Variants in CDKAL1 observed in about 807,000 individuals in gnomAD.
CDKAL1 encodes the protein threonylcarbamoyladenosine tRNA methylthiotransferase.
A neutral mutation model predicts 68.2 loss-of-function variants in CDKAL1; 32 were observed. The observed-to-expected ratio is 0.47, with a 90% CI of 0.35 to 0.63. The LOEUF (loss-of-function observed/expected upper bound fraction) is 0.63. CDKAL1 is among the 30% of genes least tolerant of loss of function. The pLI is 0.00. For missense variants in CDKAL1, 606 were observed against 696.7 expected (o/e 0.87, Z 1.47); for synonymous variants, 234 against 244.3 (o/e 0.96, Z 0.39).
intron 9 of CDKAL1, among the ~76,000 whole-genome samples, chr6:20,870,970 T>G (rs1290421761): frequency 6.6e-6 from 1 of 152,158 alleles, no homozygotes; most frequent in East Asian, 1.9e-4. Context: ...AAGAAATCAT[T>G]ACCCAGGAAA....
At chr6:20,982,684 A>G (rs925138526) in intron 10 of CDKAL1, among the ~76,000 whole-genome samples, 2 of 152,008 alleles carry the variant, frequency 1.3e-5, no homozygotes, top group African/African-American at 4.8e-5. Flanking sequence ...GTATCAAATG[A>G]CTTCTTCTGT....
rs190128326 is a variant in CDKAL1 at position 20,536,816 on chromosome 6, A to G, written c.-6+1422A>G. Among the ~76,000 whole-genome samples, 559 of 152,310 alleles carry G rather than the reference A, an allele frequency of 3.7e-3. 3 individuals carry two copies. Among genetic ancestry groups the G allele is most frequent in the Non-Finnish European group, 5.9e-3 (399 of 68,032 alleles). Reference sequence around the variant, plus strand: ...AGCGAGACCTTGTTTTTACAAAAAAACTGAAAAAGAAAAAATGTTCATTTC... The same window carrying G: ...AGCGAGACCTTGTTTTTACAAAAAAGCTGAAAAAGAAAAAATGTTCATTTC... On this transcript the variant is annotated intron_variant, in intron 2 of 15. Transcript: ENST00000274695.
At chr6:21,113,473 C>A (rs1382523556) in intron 13 of CDKAL1, among the ~76,000 whole-genome samples, 1 of 151,848 alleles carries the variant, frequency 6.6e-6, no homozygotes, top group African/African-American at 2.4e-5. Flanking sequence ...TAGCAAGAAC[C>A]CATCTCTACA....
intron 9 of CDKAL1, among the ~76,000 whole-genome samples, chr6:20,918,560 A>G (rs975312117): frequency 1.3e-5 from 2 of 152,246 alleles, no homozygotes; most frequent in Non-Finnish European, 2.9e-5. Context: ...CACAAAAAGC[A>G]TGAAGAAGAA....
At chr6:20,557,103 C>G (rs1220581896) in intron 4 of CDKAL1, among the ~76,000 whole-genome samples, 1 of 147,348 alleles carries the variant, frequency 6.8e-6, no homozygotes, top group Non-Finnish European at 1.5e-5. Context: ...TAAATAAATA[C>G]ATAAATAAAT....
intron 13 of CDKAL1, among the ~76,000 whole-genome samples, chr6:21,129,295 A>G (rs1184990322): frequency 6.6e-6 from 1 of 152,182 alleles, no homozygotes; most frequent in Non-Finnish European, 1.5e-5. Context: ...AAATATGACC[A>G]GGGTCCTTCA....
At chr6:20,797,582 C>T (rs1776159808) in intron 8 of CDKAL1, among the ~76,000 whole-genome samples, 1 of 150,860 alleles carries the variant, frequency 6.6e-6, no homozygotes, top group Non-Finnish European at 1.5e-5. Flanking sequence ...CTGAAAACAA[C>T]TCCTGTATCC....
intron 8 of CDKAL1, among the ~76,000 whole-genome samples, chr6:20,783,085 A>G (rs1775502641): frequency 6.6e-6 from 1 of 152,068 alleles, no homozygotes; most frequent in Admixed American, 6.5e-5. Flanking sequence ...GCACGCCACC[A>G]TGCCCGGTTA....
intron 15 of CDKAL1, among the ~76,000 whole-genome samples, chr6:21,202,700 G>A (rs1294534056): frequency 1.3e-5 from 2 of 152,160 alleles, no homozygotes; most frequent in Non-Finnish European, 1.5e-5. Context: ...TGGAAAGGGA[G>A]TATTGTAAAC....
intron 12 of CDKAL1, among the ~76,000 whole-genome samples, chr6:21,072,650 A>G (rs1771850368): frequency 1.4e-5 from 2 of 143,310 alleles, no homozygotes; most frequent in African/African-American, 5.1e-5. Context: ...TTTAGACTTC[A>G]GTCACCCAGG....
intron 15 of CDKAL1, among the ~76,000 whole-genome samples, chr6:21,226,197 T>C (rs775099350): frequency 2.5e-4 from 38 of 152,076 alleles, no homozygotes; most frequent in Non-Finnish European, 4.7e-4. Flanking sequence ...ACGAAGGAAA[T>C]AGAGATAGAC....
chr6:20,961,557 G>A (rs1393214845), intron 10 of CDKAL1, among the ~76,000 whole-genome samples: 1 of 152,122 alleles, frequency 6.6e-6, no homozygotes, highest in Non-Finnish European at 1.5e-5. Context: ...CACGAGGTCA[G>A]GAGATCGAGA....
At chr6:21,191,832 C>A (rs1778250898) in intron 13 of CDKAL1, among the ~76,000 whole-genome samples, 1 of 151,400 alleles carries the variant, frequency 6.6e-6, no homozygotes, top group Non-Finnish European at 1.5e-5. Context: ...GTAGCACACT[C>A]ATTCTTTCAC....
intron 13 of CDKAL1, among the ~76,000 whole-genome samples, chr6:21,151,806 T>C (rs1165191361): frequency 6.6e-6 from 1 of 152,188 alleles, no homozygotes; most frequent in East Asian, 1.9e-4. Flanking sequence ...CCTAGTACAG[T>C]TTTTGATAAA....
chr6:20,783,774 A>T (rs116064635), intron 8 of CDKAL1, among the ~76,000 whole-genome samples: 1 of 152,280 alleles, frequency 6.6e-6, no homozygotes, highest in African/African-American at 2.4e-5. Context: ...TGGGGGCTGA[A>T]TGTGTTTCAG....
chr6:21,132,505 T>A (rs1329458727), intron 13 of CDKAL1, among the ~76,000 whole-genome samples: 599 of 151,580 alleles, frequency 4.0e-3, no homozygotes, highest in African/African-American at 0.014. Flanking sequence ...TTATTTATGT[T>A]AATATGTAGT....
intron 14 of CDKAL1, among the ~76,000 whole-genome samples, chr6:21,199,242 C>T (rs1390356757): frequency 6.6e-6 from 1 of 152,146 alleles, no homozygotes; most frequent in Non-Finnish European, 1.5e-5. Flanking sequence ...AAGAGGCCCC[C>T]AGCATTGACA....
intron 9 of CDKAL1, among the ~76,000 whole-genome samples, chr6:20,877,651 G>T (rs1489155426): frequency 6.6e-6 from 1 of 152,162 alleles, no homozygotes; most frequent in African/African-American, 2.4e-5. Context: ...AATTAGTTCT[G>T]TGTTCATTTC....
chr6:21,008,230 T>A (rs1561957020), intron 11 of CDKAL1, among the ~76,000 whole-genome samples: 1 of 151,846 alleles, frequency 6.6e-6, no homozygotes, highest in Non-Finnish European at 1.5e-5. Flanking sequence ...AAGATGAGGG[T>A]CTAGAGATAA....
Sources: gnomAD v4.1 joint callset for allele counts (sites outside exome capture counted in the v4.1 genomes callset) on GRCh38, gnomAD v4.1.1 for gene constraint, MANE v1.5 for transcripts, NCBI Gene and HGNC (gene_info 2026-07-23, HGNC 2026-07-21) for gene names.